ALG14: variants seen among roughly 807,000 people sequenced by gnomAD.
The protein encoded by ALG14 is ALG14 UDP-N-acetylglucosaminyltransferase subunit.
Under a neutral mutation model 22.8 loss-of-function variants are expected in ALG14, and 17 were observed. The observed-to-expected ratio is 0.75, with a 90% confidence interval of 0.51 to 1.12. The LOEUF is 1.12. Ranked by LOEUF, ALG14 falls within the 50% of genes most tolerant of loss-of-function variation. ALG14 has a pLI of 0.00. For synonymous variants in ALG14, 89 were observed against 103.7 expected (o/e 0.86, Z 0.86); for missense variants, 288 against 271.8 (o/e 1.06, Z -0.42).
chr1:95,005,514 AAGAC>A (rs1673193282), intron 3 of ALG14, among the ~76,000 whole-genome samples: 2 of 150,698 alleles, frequency 1.3e-5, no homozygotes, highest in Admixed American at 6.6e-5. Context: ...TTAAGGAAGT[AAGAC>A]AGATTGGGAG....
chr1:95,030,982 T>C (rs907675653), intron 2 of ALG14, among the ~76,000 whole-genome samples: 2 of 152,192 alleles, frequency 1.3e-5, no homozygotes, highest in African/African-American at 2.4e-5. Flanking sequence ...CCTCTCTTTT[T>C]ACTTGTGGAT....
chr1:94,992,561 A>C (rs1174940016), intron 3 of ALG14, among the ~76,000 whole-genome samples: 1 of 152,152 alleles, frequency 6.6e-6, no homozygotes, highest in Non-Finnish European at 1.5e-5. Context: ...AGGAGGGTTG[A>C]AGAGGAGGGG....
intron 3 of ALG14, among the ~76,000 whole-genome samples, chr1:95,019,770 C>T (rs1014075568): frequency 6.6e-6 from 1 of 152,102 alleles, no homozygotes; most frequent in African/African-American, 2.4e-5. Flanking sequence ...CACCTGATGT[C>T]GGGAGTTTGA....
At chr1:95,038,440 G>A (rs765737717) in intron 2 of ALG14, among the ~76,000 whole-genome samples, 15 of 152,262 alleles carry the variant, frequency 9.9e-5, no homozygotes, top group Non-Finnish European at 1.6e-4. Context: ...AGTGAGCCAA[G>A]ATCGTGACAC....
At chr1:95,042,557 C>G (rs769970474) in intron 2 of ALG14, among the ~76,000 whole-genome samples, 10 of 152,198 alleles carry the variant, frequency 6.6e-5, no homozygotes, top group Non-Finnish European at 1.3e-4. Flanking sequence ...AGGCCCAGAT[C>G]CCTGGAACTG....
At chr1:95,042,176 A>G (rs1674399574) in intron 2 of ALG14, among the ~76,000 whole-genome samples, 2 of 152,214 alleles carry the variant, frequency 1.3e-5, no homozygotes, top group Admixed American at 6.5e-5. Context: ...CAAAGACAAA[A>G]CCAAAAATCA....
At chr1:95,071,159 A>G (rs12755096) in intron 1 of ALG14, among the ~76,000 whole-genome samples, 42,928 of 152,148 alleles carry the variant, frequency 0.28, 6,754 homozygotes, top group African/African-American at 0.43. Context: ...AAGTGGCAGA[A>G]ATGTGATTCA....
intron 3 of ALG14, among the ~76,000 whole-genome samples, chr1:95,007,359 A>G (rs2100744495): frequency 6.6e-6 from 1 of 152,320 alleles, no homozygotes; most frequent in East Asian, 1.9e-4. Flanking sequence ...CCCTTAACAG[A>G]CTGTGCCCTG....
Position 95,007,913 on chromosome 1 carries a change from C to G in ALG14, c.420+19216G>C, listed in dbSNP as rs547439982. On this transcript the variant is annotated intron_variant, in intron 3 of 3. Transcript: ENST00000370205. ...CTGAACAGACCAGTTCCAAGGTAAACTAAATGAGAGCAGGCATATTTGTCT... is the reference window on the plus strand; with the variant it reads ...CTGAACAGACCAGTTCCAAGGTAAAGTAAATGAGAGCAGGCATATTTGTCT... Among the ~76,000 whole-genome samples the G allele has an allele frequency of 2.0e-5, 3 of 152,318 alleles. No individual in the cohort carries two copies. The East Asian group carries it at 5.8e-4, about 29-fold the overall frequency.
intron 3 of ALG14, among the ~76,000 whole-genome samples, chr1:95,018,939 T>C (rs1404054531): frequency 6.6e-6 from 1 of 152,182 alleles, no homozygotes; most frequent in Admixed American, 6.5e-5. Flanking sequence ...AAAAATAACA[T>C]CTGGAACTTT....
At chr1:95,032,742 G>A (rs1217706219) in intron 2 of ALG14, among the ~76,000 whole-genome samples, 4 of 152,126 alleles carry the variant, frequency 2.6e-5, no homozygotes, top group East Asian at 1.9e-4. Flanking sequence ...ATGGGAACCC[G>A]GGCCATCCTG....
intron 1 of ALG14, among the ~76,000 whole-genome samples, chr1:95,068,154 C>A (rs188929667): frequency 6.6e-6 from 1 of 152,170 alleles, no homozygotes; most frequent in Non-Finnish European, 1.5e-5. Flanking sequence ...TACTGCTGTA[C>A]CTCCTATTCC....
intron 2 of ALG14, among the ~76,000 whole-genome samples, chr1:95,062,649 A>G (rs1675206193): frequency 6.6e-6 from 1 of 152,208 alleles, no homozygotes; most frequent in South Asian, 2.1e-4. Context: ...TTATTGCTGC[A>G]TAGTATTTCA....
In ALG14 at chr1:94,976,042, AAAG is replaced by A. The variant is rs1331933902; in HGVS notation, c.*7031_*7033del. On this transcript the variant is annotated 3_prime_UTR_variant, in exon 4 of 4. Coordinates refer to ENST00000370205, the MANE Select transcript of ALG14 (RefSeq NM_144988.4). ...AAAAAAAAAAAAAAAAAAAAAAAAG[AAAG>A]AAGAGCCTCCTTAACACACCAGGGG... The A allele has an allele frequency of 1.4e-5, 2 of 146,372 alleles. No homozygotes were observed. Among genetic ancestry groups the A allele is most frequent in the African/African-American group, 5.1e-5 (2 of 39,438 alleles). The allele number at this position is 146,372 out of a possible 1,614,324, so 9.1% of individuals were successfully genotyped here.
intron 3 of ALG14, among the ~76,000 whole-genome samples, chr1:95,001,180 G>A (rs1673056836): frequency 6.6e-6 from 1 of 152,210 alleles, no homozygotes; most frequent in South Asian, 2.1e-4. Flanking sequence ...CTTCTTTTCA[G>A]CCTTCTCAGT....
intron 3 of ALG14, among the ~76,000 whole-genome samples, chr1:95,023,371 G>A (rs535831750): frequency 3.9e-5 from 6 of 152,246 alleles, no homozygotes; most frequent in Middle Eastern, 3.4e-3. Flanking sequence ...TGATCCGCCC[G>A]CTTTGGCCTC....
At chr1:95,031,312 G>A (rs1447207930) in intron 2 of ALG14, among the ~76,000 whole-genome samples, 17 of 152,202 alleles carry the variant, frequency 1.1e-4, no homozygotes. Flanking sequence ...TATGGTGGGA[G>A]AATCTGCATC....
intron 2 of ALG14, among the ~76,000 whole-genome samples, chr1:95,038,566 A>G (rs1557967743): frequency 6.6e-6 from 1 of 151,982 alleles, no homozygotes; most frequent in African/African-American, 2.4e-5. Flanking sequence ...TTGTAATCCC[A>G]GCTACCTGGG....
At chr1:95,037,574 T>A (rs1490519378) in intron 2 of ALG14, among the ~76,000 whole-genome samples, 3 of 152,174 alleles carry the variant, frequency 2.0e-5, no homozygotes. Context: ...AGACAACTCT[T>A]GCTATAGGGA....
Sources: gnomAD v4.1 joint callset for allele counts (sites outside exome capture counted in the v4.1 genomes callset) on GRCh38, gnomAD v4.1.1 for gene constraint, MANE v1.5 for transcripts, NCBI Gene and HGNC (gene_info 2026-07-23, HGNC 2026-07-21) for gene names.